SARDH: variants seen among roughly 807,000 people sequenced by gnomAD.
SARDH encodes sarcosine dehydrogenase.
A neutral mutation model predicts 109.1 loss-of-function variants in SARDH; 95 were observed. The ratio of observed to expected loss-of-function variants is 0.87; its 90% confidence interval spans 0.74 to 1.03. SARDH has a LOEUF of 1.03. Ranked by LOEUF, SARDH falls within the 50% of genes least tolerant of loss-of-function variation. SARDH has a pLI of 0.00. For missense variants in SARDH, 1,267 were observed against 1,287.8 expected (o/e 0.98, Z 0.25); for synonymous variants, 572 against 534.8 (o/e 1.07, Z -0.96).
At chr9:133,719,337 A>G (rs1588444090) in intron 6 of SARDH, among the ~76,000 whole-genome samples, 1 of 152,198 alleles carries the variant, frequency 6.6e-6, no homozygotes, top group Non-Finnish European at 1.5e-5. Flanking sequence ...GAAGCAAAAC[A>G]TATAACCGAC....
chr9:133,704,131 A>T lies in SARDH; in HGVS notation c.1554+817T>A, dbSNP rs1296554430. On this transcript the variant is annotated intron_variant, in intron 12 of 20. Transcript: ENST00000439388. The surrounding 1 kb of genome is among the most constrained non-coding windows in gnomAD (Gnocchi z 4.5). ...CTAGGGGCCAGCAGGAGAAGAGACGATGACCTGCAAGGCTCTGACCCCAGA... is the reference window on the plus strand; with the variant it reads ...CTAGGGGCCAGCAGGAGAAGAGACGTTGACCTGCAAGGCTCTGACCCCAGA... Among the ~76,000 whole-genome samples the T allele has an allele frequency of 2.0e-5, 3 of 151,996 alleles. No homozygotes were observed. The highest frequency in any genetic ancestry group is 6.5e-5 in the Admixed American group (1 of 15,274).
rs2131447999 is a variant in SARDH, at chr9:133,712,659, G to A, written c.1288C>T (p.His430Tyr). Residue 430 changes from histidine to tyrosine, a missense_variant, in exon 10 of 21, where the codon CAT becomes TAT. Physicochemically the swap from His to Tyr is moderately conservative, Grantham distance 83. Coordinates refer to ENST00000439388, the MANE Select transcript of SARDH (RefSeq NM_001134707.2). This position sits in a 1 kb window ranked among gnomAD's most constrained non-coding sequence, Gnocchi z 4.1. ...CGQELAHWII[H>Y]GRPEKDMHGY... Reference sequence around the variant, plus strand: ...TGCATGTCCTTCTCCGGGCGCCCATGGATGATCCAGTGGGCCAGCTCCTGC... The same window carrying A: ...TGCATGTCCTTCTCCGGGCGCCCATAGATGATCCAGTGGGCCAGCTCCTGC... 1 of 1,610,436 alleles carries A rather than the reference G, an allele frequency of 6.2e-7. No homozygotes were observed. Among genetic ancestry groups the A allele is most frequent in the East Asian group, 2.2e-5 (1 of 44,844 alleles).
chr9:133,666,677 G>T lies in SARDH; in HGVS notation c.2631+58C>A. On this transcript the variant is annotated intron_variant, in intron 20 of 20. Transcript: ENST00000439388. The surrounding 1 kb of genome is among the most constrained non-coding windows in gnomAD (Gnocchi z 5.2). The stretch of plus-strand genomic sequence containing the variant: ...ACTCAGGGTGCAGTGCAGGGAGCTG[G>T]TTTGGAGCTGGTGAGGGATCGGCAT... 1.9e-6 allele frequency: 3 copies of T among 1,552,932 alleles called. No individual in the cohort carries two copies. Among genetic ancestry groups the T allele is most frequent in the Non-Finnish European group, 2.6e-6 (3 of 1,147,786 alleles).
rs1338103543 is a variant in SARDH, at chr9:133,706,493, G to A, written c.1471-1462C>T. On this transcript the variant is annotated intron_variant, in intron 11 of 20. Coordinates refer to ENST00000439388, the MANE Select transcript of SARDH (RefSeq NM_001134707.2). ...TGTTTACTGGGGATGGTGTTTCCCT[G>A]TGGGGTGATGAGAATGTTCTGGAAC... Among the ~76,000 whole-genome samples the A allele has an allele frequency of 2.6e-5, 4 of 152,200 alleles. No homozygotes were observed. The East Asian group carries it at 7.7e-4, about 29-fold the overall frequency.
upstream of SARDH, among the ~76,000 whole-genome samples, chr9:133,738,901 G>A (rs1217564042): frequency 6.6e-6 from 1 of 152,194 alleles, no homozygotes; most frequent in Non-Finnish European, 1.5e-5. Context: ...CGAGCTCCCA[G>A]ACCCCTCTGG....
chr9:133,705,907 A>G (rs1831679070), intron 11 of SARDH, among the ~76,000 whole-genome samples: 1 of 152,162 alleles, frequency 6.6e-6, no homozygotes, highest in Admixed American at 6.5e-5. Context: ...TCCCCGCTGC[A>G]TGAGGACAGT....
intron 17 of SARDH, among the ~76,000 whole-genome samples, chr9:133,674,836 C>T (rs910969746): frequency 2.0e-5 from 3 of 152,126 alleles, no homozygotes; most frequent in Non-Finnish European, 4.4e-5. Context: ...CTGGAGAGGA[C>T]ACCAAAAGCA....
chr9:133,702,841 C>T (rs948220507), intron 13 of SARDH, 75 bp downstream of exon 13: 101 of 1,404,844 alleles, frequency 7.2e-5, no homozygotes, highest in Non-Finnish European at 9.9e-5. Flanking sequence ...GCAGGGCCAG[C>T]CGAGGGCCGG....
At chr9:133,690,690 A>G (rs1831059903) in intron 15 of SARDH, among the ~76,000 whole-genome samples, 163 bp from the exon 16 acceptor site, 1 of 152,052 alleles carries the variant, frequency 6.6e-6, no homozygotes, top group African/African-American at 2.4e-5. Flanking sequence ...TGGGTCCCCC[A>G]GGGCCACGCC....
At position 133,718,894 on chromosome 9, in the gene SARDH, C is replaced by T. The variant is rs1169432688; in HGVS notation, c.1020+44G>A. 6.9e-7 allele frequency: 1 copy of T among 1,439,178 alleles called. No homozygotes were observed. The highest frequency in any genetic ancestry group is 1.7e-5 in the Admixed American group (1 of 59,600). The allele number at this position is 1,439,178 out of a possible 1,614,324, so 89.2% of individuals were successfully genotyped here. A position where few individuals can be genotyped will look rare whatever the true frequency, so the allele number is the denominator to read the frequency against. On this transcript the variant is annotated intron_variant, in intron 7 of 20. Coordinates refer to ENST00000439388, the MANE Select transcript of SARDH (RefSeq NM_001134707.2). The surrounding 1 kb of genome is among the most constrained non-coding windows in gnomAD (Gnocchi z 4.2). ...AAGAGGCCCTCTCCATGCTGAGATG[C>T]AGCCCCAACTCCCTCCCATTATCCC...
At chr9:133,730,241 T>C in intron 4 of SARDH, 54 bp from the exon 5 acceptor site, 5 of 1,598,506 alleles carry the variant, frequency 3.1e-6, no homozygotes, top group Non-Finnish European at 4.3e-6. Flanking sequence ...CGGGGGTGCT[T>C]CCCACCCCAC....
intron 12 of SARDH, chr9:133,703,246 GGTCTGAGAGC>G (rs1300335760): frequency 1.4e-5 from 8 of 565,134 alleles, no homozygotes; most frequent in Non-Finnish European, 2.5e-5. Context: ...TTGCCTGGTG[GGTCTGAGAGC>G]CCAGCCAGGG....
At chr9:133,734,833 G>A (rs1037760935) in intron 1 of SARDH, among the ~76,000 whole-genome samples, 2 of 152,206 alleles carry the variant, frequency 1.3e-5, no homozygotes, top group African/African-American at 4.8e-5. Context: ...GGGCCGTCCC[G>A]CCAGCCTTGA....
rs1287751193 is a variant in SARDH at position 133,686,175 on chromosome 9, G to A, written c.2070-889C>T. 2.6e-5 allele frequency among the ~76,000 whole-genome samples: 4 copies of A among 152,070 alleles called. No homozygotes were observed. The East Asian group carries it at 5.8e-4, about 22-fold the overall frequency. On this transcript the variant is annotated intron_variant, in intron 16 of 20. Transcript: ENST00000439388. This position sits in a 1 kb window ranked among gnomAD's most constrained non-coding sequence, Gnocchi z 4.0. ...CCACCCCTGCTTTTAAGCTCTGCGAGGGTGGGGATTCGCTCCCCACTTTCC... is the reference window on the plus strand; with the variant it reads ...CCACCCCTGCTTTTAAGCTCTGCGAAGGTGGGGATTCGCTCCCCACTTTCC...
At chr9:133,699,507 A>T (rs1831405340) in intron 13 of SARDH, among the ~76,000 whole-genome samples, 1 of 151,562 alleles carries the variant, frequency 6.6e-6, no homozygotes, top group Non-Finnish European at 1.5e-5. Flanking sequence ...ACCCTGTCTC[A>T]AATAATAATA....
At chr9:133,688,036 C>T (rs1830947622) in intron 16 of SARDH, among the ~76,000 whole-genome samples, 2 of 152,226 alleles carry the variant, frequency 1.3e-5, no homozygotes, top group Admixed American at 6.5e-5. Flanking sequence ...CTGCCACCTC[C>T]TCCCTCCACG....
chr9:133,731,535 G>T, intron 3 of SARDH, 51 bp from the exon 4 acceptor site: 1 of 1,578,960 alleles, frequency 6.3e-7, no homozygotes, highest in Non-Finnish European at 8.7e-7. Context: ...CAGACCCCTG[G>T]GCCACTCCCC....
intron 17 of SARDH, among the ~76,000 whole-genome samples, chr9:133,673,550 C>T (rs1460188970): frequency 6.6e-6 from 1 of 152,260 alleles, no homozygotes; most frequent in African/African-American, 2.4e-5. Context: ...AATCACATGG[C>T]CGCCGAGGGG....
chr9:133,712,612 C>T lies in SARDH; in HGVS notation c.1328+7G>A, dbSNP rs773818063. On this transcript the variant is annotated splice_region_variant and intron_variant, in intron 10 of 20. Transcript: ENST00000439388. The surrounding 1 kb of genome is among the most constrained non-coding windows in gnomAD (Gnocchi z 4.1). ...GGCCCTGCCCTTAGGTCCCAATGGG[C>T]ACTTACCTGATGTCATAGCCATGCA... 1.2e-6 allele frequency: 2 copies of T among 1,605,968 alleles called. No individual in the cohort carries two copies. Among genetic ancestry groups the T allele is most frequent in the Non-Finnish European group, 1.7e-6 (2 of 1,179,358 alleles).
Sources: allele counts gnomAD v4.1 joint callset (sites outside exome capture counted in the v4.1 genomes callset), GRCh38; gene constraint gnomAD v4.1.1; non-coding constraint Gnocchi (gnomAD v3.1); transcripts MANE v1.5; gene names NCBI Gene and HGNC (gene_info 2026-07-23, HGNC 2026-07-21).